Variants in FAM120B observed in about 807,000 individuals in gnomAD.
FAM120B encodes family with sequence similarity 120 member B, also known as constitutive coactivator of peroxisome proliferator-activated receptor gamma.
FAM120B carries 83 observed loss-of-function variants against 96.3 expected under a neutral mutation model. The ratio of observed to expected loss-of-function variants is 0.86; its 90% confidence interval spans 0.72 to 1.03. FAM120B has a LOEUF of 1.03. Ranked by LOEUF, FAM120B falls within the 50% of genes least tolerant of loss-of-function variation. The probability of loss-of-function intolerance (pLI) is 0.00; values close to 1 mark genes in which losing one functional copy is unlikely to be tolerated. For synonymous variants in FAM120B, 407 were observed against 402.7 expected (o/e 1.01, Z -0.13); for missense variants, 1,027 against 1,121.2 (o/e 0.92, Z 1.20).
At chr6:170,399,276 T>C (rs1476240751) in intron 9 of FAM120B, among the ~76,000 whole-genome samples, 1 of 145,928 alleles carries the variant, frequency 6.9e-6, no homozygotes, top group African/African-American at 2.6e-5. Flanking sequence ...TCATAACTCT[T>C]AGTAGTGAGT....
chr6:170,358,365 C>A (rs1788111157), intron 6 of FAM120B, 47 bp downstream of exon 6: 1 of 1,289,726 alleles, frequency 7.8e-7, no homozygotes, highest in African/African-American at 1.5e-5. Context: ...GACAGCTGTG[C>A]AGTCCAGCCT....
Position 170,332,723 on chromosome 6 carries a change from G to A in FAM120B, c.2017+2173G>A, listed in dbSNP as rs542470163. 1.3e-3 allele frequency among the ~76,000 whole-genome samples: 201 copies of A among 152,010 alleles called. 1 individual carries two copies. The highest frequency in any genetic ancestry group is 4.5e-3 in the African/African-American group (188 of 41,514). ...CAAAAAAAAAAAGTGAGATCCTGCC[G>A]ATGGGCCCTTCCTGTCCACCTGTCA... is the stretch of plus-strand genomic sequence containing the variant. On this transcript the variant is annotated intron_variant, in intron 4 of 10. Transcript: ENST00000476287.
chr6:170,389,454 A>G (rs2115315464), intron 7 of FAM120B, among the ~76,000 whole-genome samples: 1 of 152,282 alleles, frequency 6.6e-6, no homozygotes, highest in South Asian at 2.1e-4. Context: ...ATGGTTAGGT[A>G]GGGCGAGCAG....
At chr6:170,295,312 T>C (rs1583161909), upstream of FAM120B, 1 of 688,458 alleles carries the variant, frequency 1.5e-6, no homozygotes, top group East Asian at 2.8e-5. The surrounding 1 kb of genome is among the most constrained non-coding windows in gnomAD (Gnocchi z 7.8). Flanking sequence ...GGTGCACAGA[T>C]GTGTTCACAC....
intron 6 of FAM120B, among the ~76,000 whole-genome samples, chr6:170,379,004 C>G (rs1023403067): frequency 9.2e-5 from 14 of 152,206 alleles, no homozygotes; most frequent in Non-Finnish European, 1.6e-4. Context: ...TGGGCCCAGG[C>G]AGCCTTGGTG....
chr6:170,297,588 C>G (rs1233215126), intron 1 of FAM120B, among the ~76,000 whole-genome samples: 1 of 140,618 alleles, frequency 7.1e-6, no homozygotes, highest in Non-Finnish European at 1.6e-5. Context: ...CCCCGAAAAA[C>G]GTGTGAAGTT....
Position 170,319,059 on chromosome 6 carries a change from C to G in FAM120B, c.1669C>G (p.Pro557Ala). ...CTNPEIKQED[P>A]TNVGPEVKQQ... is the part of the protein sequence containing the mutation. ...AAACCCTGAAATTAAACAAGAAGAC[C>G]CCACAAATGTGGGGCCTGAAGTAAA... The change falls in exon 2 of 11, where the codon CCC becomes GCC. Residue 557 changes from proline to alanine, a missense_variant. Pro to Ala is a conservative substitution (Grantham distance 27). Transcript: ENST00000476287. The G allele has an allele frequency of 6.3e-7, 1 of 1,599,944 alleles. No individual in the cohort carries two copies. Among genetic ancestry groups the G allele is most frequent in the Non-Finnish European group, 8.5e-7 (1 of 1,173,252 alleles).
intron 1 of FAM120B, among the ~76,000 whole-genome samples, chr6:170,311,607 T>G (rs1784599201): frequency 1.3e-5 from 2 of 152,166 alleles, no homozygotes; most frequent in Non-Finnish European, 1.5e-5. Flanking sequence ...CTAAACTAGG[T>G]TGGCTTTCCC....
chr6:170,358,350 C>A, intron 6 of FAM120B, 32 bp downstream of exon 6: 1 of 1,443,762 alleles, frequency 6.9e-7, no homozygotes, highest in Non-Finnish European at 9.7e-7. Flanking sequence ...TGTCACTGCC[C>A]GGAAGACAGC....
intron 6 of FAM120B, among the ~76,000 whole-genome samples, chr6:170,359,942 G>A (rs913847224): frequency 2.6e-5 from 4 of 151,978 alleles, no homozygotes; most frequent in Admixed American, 6.5e-5. Flanking sequence ...CATTCTTCAC[G>A]CCGAGCGGCA....
intron 4 of FAM120B, among the ~76,000 whole-genome samples, chr6:170,338,775 T>A (rs1273425632): frequency 6.6e-6 from 1 of 151,860 alleles, no homozygotes; most frequent in African/African-American, 2.4e-5. Context: ...CATTATGTAA[T>A]ACCGCTTTGT....
chr6:170,405,437 C>CTGATTCATGTCCTGGGCA lies in FAM120B; in HGVS notation c.*690_*707dup, dbSNP rs1156979744. Reference sequence around the variant, plus strand: ...ATGGTCAGAGAAGCTGGATGAGGGGCTGATTCATGTCCTGGGCATGACAGA... The same window carrying CTGATTCATGTCCTGGGCA: ...ATGGTCAGAGAAGCTGGATGAGGGGCTGATTCATGTCCTGGGCATGATTCATGTCCTGGGCATGACAGA... On this transcript the variant is annotated 3_prime_UTR_variant, in exon 11 of 11. Coordinates refer to ENST00000476287, the MANE Select transcript of FAM120B (RefSeq NM_032448.3). The CTGATTCATGTCCTGGGCA allele has an allele frequency of 3.3e-5, 5 of 152,198 alleles. No individual in the cohort carries two copies. The highest frequency in any genetic ancestry group is 5.9e-5 in the Non-Finnish European group (4 of 68,036). 9.4% of individuals were successfully genotyped at this position (152,198 alleles called of 1,614,324 possible).
At chr6:170,356,570 C>T (rs1280789114) in intron 5 of FAM120B, among the ~76,000 whole-genome samples, 3 of 152,132 alleles carry the variant, frequency 2.0e-5, no homozygotes, top group African/African-American at 4.8e-5. Flanking sequence ...GGTCCCAGGA[C>T]CCCCAAGGAT....
chr6:170,403,149 G>A (rs955641335), intron 9 of FAM120B, among the ~76,000 whole-genome samples: 5 of 152,158 alleles, frequency 3.3e-5, no homozygotes, highest in Admixed American at 6.5e-5. Flanking sequence ...CCTTCCATGC[G>A]GAAGTAGTTA....
chr6:170,387,846 C>G (rs950574975), intron 6 of FAM120B, among the ~76,000 whole-genome samples: 15 of 152,092 alleles, frequency 9.9e-5, no homozygotes, highest in African/African-American at 3.6e-4. Context: ...CCTGTCTGTC[C>G]CTTTGCCTTT....
At chr6:170,399,706 A>G (rs375894750) in intron 9 of FAM120B, among the ~76,000 whole-genome samples, 620 of 108,306 alleles carry the variant, frequency 5.7e-3, no homozygotes, top group Middle Eastern at 0.047. Context: ...TAACTCTTAG[A>G]AGTGAGTGGG....
At chr6:170,340,629 CATCT>C (rs1786758363) in intron 4 of FAM120B, among the ~76,000 whole-genome samples, 1 of 152,184 alleles carries the variant, frequency 6.6e-6, no homozygotes, top group African/African-American at 2.4e-5. Flanking sequence ...TTCGTGGATT[CATCT>C]ATCTTTGATC....
At chr6:170,334,402 T>C (rs554400725) in intron 4 of FAM120B, among the ~76,000 whole-genome samples, 2 of 152,364 alleles carry the variant, frequency 1.3e-5, no homozygotes, top group South Asian at 4.1e-4. Context: ...CAATCTGTCA[T>C]TTGCTATCAA....
At chr6:170,361,222 A>ATATATACGTG (rs1554286441) in intron 6 of FAM120B, among the ~76,000 whole-genome samples, 1 of 102,004 alleles carries the variant, frequency 9.8e-6, no homozygotes, top group Non-Finnish European at 2.1e-5. Flanking sequence ...ATATATATAT[A>ATATATACGTG]TATATATATA....
Sources: gnomAD v4.1 joint callset for allele counts (sites outside exome capture counted in the v4.1 genomes callset) on GRCh38, gnomAD v4.1.1 for gene constraint, Gnocchi (gnomAD v3.1) non-coding constraint, MANE v1.5 for transcripts, NCBI Gene and HGNC (gene_info 2026-07-23, HGNC 2026-07-21) for gene names.